ESRRB: variants seen among roughly 807,000 people sequenced by gnomAD.
ESRRB encodes estrogen related receptor beta.
Under a neutral mutation model 46.0 loss-of-function variants are expected in ESRRB, and 16 were observed. The ratio of observed to expected loss-of-function variants is 0.35; its 90% confidence interval spans 0.24 to 0.53. The LOEUF is 0.53. Ranked by LOEUF, ESRRB falls within the 20% of genes least tolerant of loss-of-function variation. ESRRB has a pLI of 0.93. For missense variants in ESRRB, 488 were observed against 607.4 expected (o/e 0.80, Z 2.07); for synonymous variants, 246 against 259.6 (o/e 0.95, Z 0.50).
At chr14:76,418,236 T>G (rs562835044) in intron 1 of ESRRB, among the ~76,000 whole-genome samples, 2 of 152,302 alleles carry the variant, frequency 1.3e-5, no homozygotes, top group Admixed American at 1.3e-4. Context: ...ATTACAGGCG[T>G]GAGCCACTGC....
chr14:76,457,848 T>A (rs1172788888), intron 2 of ESRRB, among the ~76,000 whole-genome samples: 1 of 152,066 alleles, frequency 6.6e-6, no homozygotes, highest in Non-Finnish European at 1.5e-5. Context: ...AATTTTTTTA[T>A]ATTGTTGGTA....
chr14:76,483,019 AT>A (rs1889870294), intron 5 of ESRRB, among the ~76,000 whole-genome samples: 1 of 152,194 alleles, frequency 6.6e-6, no homozygotes, highest in African/African-American at 2.4e-5. Context: ...CCATGTTTGG[AT>A]CTACAATCAG....
chr14:76,436,934 T>A (rs546278365), intron 1 of ESRRB, among the ~76,000 whole-genome samples: 6 of 152,294 alleles, frequency 3.9e-5, no homozygotes, highest in Non-Finnish European at 7.4e-5. Flanking sequence ...TGTTATCTTT[T>A]ATCTTTGTGT....
At chr14:76,337,204 G>A (rs896357495) in intron 1 of ESRRB, among the ~76,000 whole-genome samples, 4 of 152,172 alleles carry the variant, frequency 2.6e-5, no homozygotes, top group African/African-American at 9.7e-5. Flanking sequence ...CTGATTAAAG[G>A]TGCCAGTGAG....
intron 5 of ESRRB, among the ~76,000 whole-genome samples, chr14:76,483,321 A>G (rs1180827846): frequency 6.6e-6 from 1 of 152,224 alleles, no homozygotes; most frequent in African/African-American, 2.4e-5. Context: ...TGAGCATGAA[A>G]TGAGATCCTG....
upstream of ESRRB, among the ~76,000 whole-genome samples, chr14:76,368,126 CTTTTTT>C (rs751709764): frequency 2.3e-3 from 281 of 124,228 alleles, 2 homozygotes; most frequent in African/African-American, 7.4e-3. Context: ...CTAATTTTTC[CTTTTTT>C]TTTTTTTTTT....
chr14:76,462,443 G>A, intron 2 of ESRRB, 102 bp from the exon 3 acceptor site: 2 of 818,284 alleles, frequency 2.4e-6, no homozygotes, highest in East Asian at 2.7e-5. Context: ...GGGGGGAGTG[G>A]CAGCTCTGGC....
intron 1 of ESRRB, among the ~76,000 whole-genome samples, chr14:76,383,185 A>C (rs768455045): frequency 6.6e-6 from 1 of 152,242 alleles, no homozygotes; most frequent in South Asian, 2.1e-4. Flanking sequence ...AATTGAATTC[A>C]ATCTTTTCTA....
chr14:76,459,062 C>G (rs1888743322), intron 2 of ESRRB, among the ~76,000 whole-genome samples: 1 of 152,146 alleles, frequency 6.6e-6, no homozygotes, highest in African/African-American at 2.4e-5. Context: ...CCAGGCTGGT[C>G]TTGAACTCCT....
chr14:76,351,591 G>A (rs1285261913), intron 1 of ESRRB, among the ~76,000 whole-genome samples: 4 of 152,202 alleles, frequency 2.6e-5, no homozygotes, highest in African/African-American at 9.7e-5. Flanking sequence ...CTCAGGTACT[G>A]GGGGTGAGGA....
chr14:76,322,808 C>T (rs1273635167), intron 1 of ESRRB, among the ~76,000 whole-genome samples: 1 of 152,212 alleles, frequency 6.6e-6, no homozygotes, highest in Non-Finnish European at 1.5e-5. Flanking sequence ...GCCCACTCTC[C>T]TGTGACCTTT....
intron 2 of ESRRB, among the ~76,000 whole-genome samples, chr14:76,445,026 G>A (rs1004549386): frequency 2.0e-5 from 3 of 151,974 alleles, no homozygotes; most frequent in Admixed American, 1.3e-4. Context: ...TTAAAAATTA[G>A]CTGGGTATGG....
intron 3 of ESRRB, among the ~76,000 whole-genome samples, chr14:76,474,074 A>G (rs2921452): frequency 0.5 from 76,457 of 152,180 alleles, 19,402 homozygotes; most frequent in Middle Eastern, 0.69. Flanking sequence ...CATCAGACCC[A>G]CTGGCATATT....
At chr14:76,348,777 G>A (rs146839799) in intron 1 of ESRRB, among the ~76,000 whole-genome samples, 49 of 152,236 alleles carry the variant, frequency 3.2e-4, no homozygotes, top group African/African-American at 1.2e-3. Flanking sequence ...GGTGCCACCC[G>A]GGGCTTTGGG....
At chr14:76,469,250 T>C (rs1291097778) in intron 3 of ESRRB, among the ~76,000 whole-genome samples, 1 of 152,104 alleles carries the variant, frequency 6.6e-6, no homozygotes, top group Non-Finnish European at 1.5e-5. Context: ...TGCGCCACCA[T>C]GCCCAGCTAA....
At position 76,473,468 on chromosome 14, in the gene ESRRB, C is replaced by A. The variant is rs1444104481; in HGVS notation, c.578-8548C>A. 2.0e-5 allele frequency among the ~76,000 whole-genome samples: 3 copies of A among 152,352 alleles called. No homozygotes were observed. The East Asian group carries it at 5.8e-4, about 29-fold the overall frequency. The stretch of plus-strand genomic sequence containing the variant: ...CTTTCCCTCGCCTGCCCTGTCTGAA[C>A]CTTTCCTGTTGGAAGAGAAATATGA... On this transcript the variant is annotated intron_variant, in intron 3 of 6. Transcript: ENST00000644823.
chr14:76,409,250 A>G (rs1886329542), intron 1 of ESRRB, among the ~76,000 whole-genome samples: 1 of 152,098 alleles, frequency 6.6e-6, no homozygotes, highest in Non-Finnish European at 1.5e-5. Context: ...AGGATTAGAG[A>G]AAGTATGTAT....
intron 1 of ESRRB, among the ~76,000 whole-genome samples, chr14:76,408,009 T>C (rs1886263131): frequency 1.3e-5 from 2 of 152,112 alleles, no homozygotes; most frequent in African/African-American, 2.4e-5. Flanking sequence ...TCAGGTCACA[T>C]AGGCACTGGC....
At chr14:76,355,890 C>T (rs148105759) in intron 1 of ESRRB, among the ~76,000 whole-genome samples, 15 of 152,278 alleles carry the variant, frequency 9.9e-5, no homozygotes, top group African/African-American at 3.1e-4. Flanking sequence ...TCTCTCTCAC[C>T]CCACCCTGGC....
Sources: allele counts gnomAD v4.1 joint callset (sites outside exome capture counted in the v4.1 genomes callset), GRCh38; gene constraint gnomAD v4.1.1; transcripts MANE v1.5; gene names NCBI Gene and HGNC (gene_info 2026-07-23, HGNC 2026-07-21).